IDO2: variants seen among roughly 807,000 people sequenced by gnomAD.
IDO2 encodes indoleamine 2,3-dioxygenase-like 1 protein.
IDO2 carries 46 observed loss-of-function variants against 45.1 expected under a neutral mutation model. The observed-to-expected ratio is 1.02, with a 90% confidence interval of 0.80 to 1.30. The LOEUF (loss-of-function observed/expected upper bound fraction) is 1.30. Among genes scored for constraint, IDO2 ranks in the 50% most tolerant of loss-of-function variants. The probability of loss-of-function intolerance (pLI) is 0.00; values close to 1 mark genes in which losing one functional copy is unlikely to be tolerated. For synonymous variants in IDO2, 218 were observed against 184.9 expected, an observed-to-expected ratio of 1.18 and a Z score of -1.45; for missense variants, 544 against 491.8, an observed-to-expected ratio of 1.11 and a Z score of -1.00.
At chr8:40,006,347 A>C (rs963661046) in intron 9 of IDO2, among the ~76,000 whole-genome samples, 1 of 152,210 alleles carries the variant, frequency 6.6e-6, no homozygotes, top group Non-Finnish European at 1.5e-5. Flanking sequence ...ACTGTGGGCT[A>C]ATGTAAGTGT....
At chr8:39,963,491 T>C in intron 2 of IDO2, 117 bp from the exon 3 acceptor site, 1 of 631,730 alleles carries the variant, frequency 1.6e-6, no homozygotes, top group South Asian at 2.0e-5. Flanking sequence ...ATTCTCAATG[T>C]TCGTTCAACT....
At chr8:39,958,994 C>A (rs1447414361) in intron 2 of IDO2, among the ~76,000 whole-genome samples, 1 of 152,150 alleles carries the variant, frequency 6.6e-6, no homozygotes, top group Non-Finnish European at 1.5e-5. Context: ...ATTGTCTCAA[C>A]CATCTCACTT....
At chr8:39,950,658 T>C (rs895807211) in intron 2 of IDO2, among the ~76,000 whole-genome samples, 2 of 152,252 alleles carry the variant, frequency 1.3e-5, no homozygotes, top group African/African-American at 4.8e-5. Flanking sequence ...CTGACGCATC[T>C]ACCCTACTGC....
At chr8:39,946,115 G>C (rs1807724139) in intron 1 of IDO2, among the ~76,000 whole-genome samples, 1 of 152,182 alleles carries the variant, frequency 6.6e-6, no homozygotes, top group African/African-American at 2.4e-5. Context: ...CCTAAGATCA[G>C]TCCTTGAGAT....
intron 2 of IDO2, among the ~76,000 whole-genome samples, chr8:39,960,791 A>AT (rs201160746): frequency 0.012 from 1,770 of 151,496 alleles, 48 homozygotes; most frequent in African/African-American, 0.041. Flanking sequence ...TAATTAATTT[A>AT]TTTTTTTTTG....
At chr8:40,000,847 C>G (rs1288560627) in intron 8 of IDO2, among the ~76,000 whole-genome samples, 4 of 152,182 alleles carry the variant, frequency 2.6e-5, no homozygotes, top group Non-Finnish European at 5.9e-5. Flanking sequence ...CTCCCCATCA[C>G]ATTTAGTTTT....
At chr8:39,969,505 A>G (rs1298162157) in intron 3 of IDO2, among the ~76,000 whole-genome samples, 1 of 152,152 alleles carries the variant, frequency 6.6e-6, no homozygotes, top group Non-Finnish European at 1.5e-5. Context: ...TAATATTGAA[A>G]TTAGGCCAAT....
chr8:39,962,148 G>A (rs750212310), intron 2 of IDO2, among the ~76,000 whole-genome samples: 5 of 152,132 alleles, frequency 3.3e-5, no homozygotes, highest in Admixed American at 6.6e-5. Context: ...ACTGAAATTC[G>A]GACTATGTCT....
At chr8:39,954,631 T>A (rs1457395051) in intron 2 of IDO2, among the ~76,000 whole-genome samples, 1 of 150,942 alleles carries the variant, frequency 6.6e-6, no homozygotes, top group African/African-American at 2.4e-5. Context: ...TATGCACAAA[T>A]TCCCTATGTC....
intron 3 of IDO2, 102 bp downstream of exon 3, chr8:39,963,805 C>T (rs1008192729): frequency 1.5e-6 from 1 of 680,988 alleles, no homozygotes; most frequent in Non-Finnish European, 2.5e-6. Context: ...GGAAACTGTT[C>T]ATTACCATTG....
chr8:40,002,122 TTTTGTC>T (rs2129595217), intron 8 of IDO2, among the ~76,000 whole-genome samples: 1 of 152,262 alleles, frequency 6.6e-6, no homozygotes, highest in East Asian at 1.9e-4. Flanking sequence ...TCTAAAGTTG[TTTTGTC>T]TTTCACTTTT....
chr8:39,977,261 T>A (rs1808272310), intron 3 of IDO2, among the ~76,000 whole-genome samples: 2 of 152,190 alleles, frequency 1.3e-5, no homozygotes, highest in African/African-American at 4.8e-5. Flanking sequence ...AAATGCTCAA[T>A]CTCAAGAATA....
At chr8:40,013,342 C>A (rs1454904689) in intron 9 of IDO2, among the ~76,000 whole-genome samples, 1 of 152,116 alleles carries the variant, frequency 6.6e-6, no homozygotes, top group Non-Finnish European at 1.5e-5. Context: ...CTGGAATAAC[C>A]CTTTAGATGA....
At chr8:39,985,547 C>G in intron 6 of IDO2, 25 bp downstream of exon 6, 1 of 1,552,320 alleles carries the variant, frequency 6.4e-7, no homozygotes, top group Non-Finnish European at 8.7e-7. Context: ...ATCATTTACG[C>G]ACTTTAGAAT....
intron 3 of IDO2, among the ~76,000 whole-genome samples, chr8:39,971,630 G>T (rs148872476): frequency 6.6e-6 from 1 of 152,106 alleles, no homozygotes; most frequent in Non-Finnish European, 1.5e-5. Context: ...CATGGAGGAC[G>T]TCAAAATAAA....
At chr8:40,013,734 TC>T in intron 10 of IDO2, 21 bp downstream of exon 10, 1 of 1,578,606 alleles carries the variant, frequency 6.3e-7, no homozygotes, top group Non-Finnish European at 8.6e-7. Context: ...CATTTTGTTT[TC>T]CCTTGAGAGT....
intron 2 of IDO2, among the ~76,000 whole-genome samples, chr8:39,955,379 C>G (rs1371985774): frequency 6.6e-6 from 1 of 150,862 alleles, no homozygotes; most frequent in Non-Finnish European, 1.5e-5. Flanking sequence ...CTCATCCTCC[C>G]AAGTAGCTGG....
chr8:40,003,668 A>G (rs1030871591), intron 8 of IDO2, among the ~76,000 whole-genome samples: 1 of 152,100 alleles, frequency 6.6e-6, no homozygotes, highest in African/African-American at 2.4e-5. Flanking sequence ...TATAAATCAT[A>G]TTGTTTGAGT....
exon 1 of IDO2, chr8:39,934,861 A>G (rs549205400): frequency 1.2e-4 from 53 of 434,652 alleles, no homozygotes; most frequent in Non-Finnish European, 5.0e-5. Flanking sequence ...CACAGAAAGA[A>G]GATGGAGAAT....
Sources: gnomAD v4.1 joint callset for allele counts (sites outside exome capture counted in the v4.1 genomes callset) on GRCh38, gnomAD v4.1.1 for gene constraint, MANE v1.5 for transcripts, NCBI Gene and HGNC (gene_info 2026-07-23, HGNC 2026-07-21) for gene names.